GPR39: variants seen among roughly 807,000 people sequenced by gnomAD.
GPR39 encodes G protein-coupled receptor 39.
GPR39 carries 23 observed loss-of-function variants against 18.4 expected under a neutral mutation model. That is an observed-to-expected ratio of 1.25 (90% CI 0.90 to 1.77). GPR39 has a LOEUF of 1.77. GPR39 is among the 40% of genes most tolerant of loss of function. The probability of loss-of-function intolerance (pLI) is 0.00; values close to 1 mark genes in which losing one functional copy is unlikely to be tolerated. For synonymous variants in GPR39, 280 were observed against 257.9 expected (o/e 1.09, Z -0.82); for missense variants, 647 against 602.4 (o/e 1.07, Z -0.78).
intron 1 of GPR39, among the ~76,000 whole-genome samples, chr2:132,527,102 G>A (rs1327635401): frequency 1.3e-5 from 2 of 151,772 alleles, no homozygotes; most frequent in East Asian, 1.9e-4. Flanking sequence ...CCTTCCCCTC[G>A]CTCCCCACCC....
At chr2:132,449,826 C>A (rs1680601924) in intron 1 of GPR39, among the ~76,000 whole-genome samples, 1 of 151,936 alleles carries the variant, frequency 6.6e-6, no homozygotes, top group Admixed American at 6.6e-5. Flanking sequence ...GAATTATTTT[C>A]TCTCTTCTCT....
intron 1 of GPR39, chr2:132,644,845 G>T: frequency 2.0e-6 from 1 of 491,952 alleles, no homozygotes; most frequent in South Asian, 3.3e-5. Flanking sequence ...ACATCAACTG[G>T]TATAAATACA....
chr2:132,592,960 T>G (rs983754492), intron 1 of GPR39, among the ~76,000 whole-genome samples: 26 of 152,144 alleles, frequency 1.7e-4, no homozygotes, highest in African/African-American at 5.8e-4. Context: ...GGCTACACAT[T>G]TAGGTTTGAT....
At chr2:132,567,577 T>A (rs1249756647) in intron 1 of GPR39, among the ~76,000 whole-genome samples, 1 of 152,204 alleles carries the variant, frequency 6.6e-6, no homozygotes, top group Non-Finnish European at 1.5e-5. Flanking sequence ...GCCTCCTGAA[T>A]GGTAAGAAAG....
intron 1 of GPR39, chr2:132,489,114 A>C (rs1182434349): frequency 1.3e-5 from 3 of 230,798 alleles, no homozygotes. Flanking sequence ...CTCCACAGTC[A>C]TTCCATATCC....
At chr2:132,469,564 T>TGAGC (rs1380096625) in intron 1 of GPR39, among the ~76,000 whole-genome samples, 1 of 152,088 alleles carries the variant, frequency 6.6e-6, no homozygotes, top group Admixed American at 6.5e-5. Context: ...AATGAGACAG[T>TGAGC]GAGCGTGTGT....
At chr2:132,493,520 A>ATATATATG (rs1200298717) in intron 1 of GPR39, among the ~76,000 whole-genome samples, 15 of 143,914 alleles carry the variant, frequency 1.0e-4, no homozygotes, top group African/African-American at 4.1e-4. Flanking sequence ...ATATATATAT[A>ATATATATG]TATATATACA....
rs566557783 is a variant in GPR39 at position 132,604,663 on chromosome 2, A to G, written c.857-40438A>G. ...TATAGAAGGTTATATATAAAGTCTT[A>G]TGAACATATAAAAAGGAGGCCAAGT... On this transcript the variant is annotated intron_variant, in intron 1 of 1. Transcript: ENST00000329321. 5.2e-5 allele frequency: 8 copies of G among 152,392 alleles called. No individual in the cohort carries two copies. In the East Asian group the frequency reaches 1.5e-3, roughly 29 times the overall value. The allele number at this position is 152,392 out of a possible 1,614,324, so 9.4% of individuals were successfully genotyped here. A position where few individuals can be genotyped will look rare whatever the true frequency, so the allele number is the denominator to read the frequency against.
intron 1 of GPR39, among the ~76,000 whole-genome samples, chr2:132,459,699 A>G (rs113691481): frequency 1.3e-5 from 2 of 152,200 alleles, no homozygotes; most frequent in Non-Finnish European, 2.9e-5. Flanking sequence ...ATTGAATTAG[A>G]TAGCTGTGTA....
intron 1 of GPR39, among the ~76,000 whole-genome samples, chr2:132,535,928 T>A (rs3115040): frequency 0.019 from 2,858 of 151,664 alleles, 88 homozygotes; most frequent in African/African-American, 0.067. Flanking sequence ...TTATTGTTTT[T>A]TTTATTGTGG....
intron 1 of GPR39, among the ~76,000 whole-genome samples, chr2:132,512,010 A>G (rs1050885305): frequency 1.3e-5 from 2 of 152,166 alleles, no homozygotes; most frequent in Non-Finnish European, 2.9e-5. Flanking sequence ...CAATCCCCAG[A>G]CAAACACCTT....
intron 1 of GPR39, among the ~76,000 whole-genome samples, chr2:132,469,591 G>A (rs1240657166): frequency 1.3e-5 from 2 of 152,140 alleles, no homozygotes; most frequent in Non-Finnish European, 2.9e-5. Flanking sequence ...ACGACCCTCT[G>A]GTTATGCGGG....
chr2:132,531,481 A>C (rs1679630088), intron 1 of GPR39, among the ~76,000 whole-genome samples: 1 of 152,196 alleles, frequency 6.6e-6, no homozygotes, highest in Non-Finnish European at 1.5e-5. Context: ...CAGGAATTGA[A>C]CTCAGCTCTG....
At chr2:132,546,796 G>A (rs555105611) in intron 1 of GPR39, among the ~76,000 whole-genome samples, 2 of 131,544 alleles carry the variant, frequency 1.5e-5, no homozygotes, top group African/African-American at 6.1e-5. Flanking sequence ...ATCTGTGGTG[G>A]CATTTGAGAG....
chr2:132,429,777 G>A (rs866845178), intron 1 of GPR39, among the ~76,000 whole-genome samples: 6 of 152,188 alleles, frequency 3.9e-5, no homozygotes, highest in Non-Finnish European at 7.4e-5. Context: ...GGCCCTCCTA[G>A]GGGTTATATG....
chr2:132,538,548 A>G (rs1679802090), intron 1 of GPR39, among the ~76,000 whole-genome samples: 1 of 152,226 alleles, frequency 6.6e-6, no homozygotes, highest in East Asian at 1.9e-4. Context: ...TTGAGGAGGC[A>G]TCTGTTCCTT....
At chr2:132,547,073 CAG>C (rs1463450382) in intron 1 of GPR39, among the ~76,000 whole-genome samples, 4 of 152,042 alleles carry the variant, frequency 2.6e-5, no homozygotes, top group Non-Finnish European at 5.9e-5. Context: ...GCCGCACCGA[CAG>C]AGGGTCAATG....
At chr2:132,504,535 C>T (rs1040706215) in intron 1 of GPR39, among the ~76,000 whole-genome samples, 2 of 152,148 alleles carry the variant, frequency 1.3e-5, no homozygotes, top group Non-Finnish European at 1.5e-5. Context: ...CTGAGCTGCT[C>T]TTCCTGTGGA....
chr2:132,594,606 C>T (rs1338577625), intron 1 of GPR39, among the ~76,000 whole-genome samples: 1 of 152,038 alleles, frequency 6.6e-6, no homozygotes, highest in Non-Finnish European at 1.5e-5. Flanking sequence ...CCAAACCAAA[C>T]TAAACACTTT....
Sources: gnomAD v4.1 joint callset for allele counts (sites outside exome capture counted in the v4.1 genomes callset) on GRCh38, gnomAD v4.1.1 for gene constraint, MANE v1.5 for transcripts, NCBI Gene and HGNC (gene_info 2026-07-23, HGNC 2026-07-21) for gene names.